The following ZBTB43 variants were observed in gnomAD, a reference collection of about 807,000 sequenced individuals.
ZBTB43 encodes zinc finger and BTB domain-containing protein 43.
Under a neutral mutation model 31.1 loss-of-function variants are expected in ZBTB43, and 6 were observed. The observed-to-expected ratio is 0.19, with a 90% CI of 0.11 to 0.38. The LOEUF is 0.38. ZBTB43 is among the 10% of genes least tolerant of loss of function. The probability of loss-of-function intolerance (pLI) is 1.00; values close to 1 mark genes in which losing one functional copy is unlikely to be tolerated. For synonymous variants in ZBTB43, 212 were observed against 221.7 expected, an observed-to-expected ratio of 0.96 and a Z score of 0.39; for missense variants, 379 against 602.1, an observed-to-expected ratio of 0.63 and a Z score of 3.88.
intron 2 of ZBTB43, among the ~76,000 whole-genome samples, chr9:126,827,751 T>TA (rs2032674595): frequency 6.6e-6 from 1 of 152,182 alleles, no homozygotes; most frequent in South Asian, 2.1e-4. Context: ...CTCACGCCTG[T>TA]AATCCCAGTA....
intron 2 of ZBTB43, among the ~76,000 whole-genome samples, chr9:126,825,269 C>G (rs1292443322): frequency 6.6e-6 from 1 of 152,036 alleles, no homozygotes; most frequent in Non-Finnish European, 1.5e-5. Context: ...TTTCTTTCTG[C>G]TACTCAACTG....
intron 2 of ZBTB43, among the ~76,000 whole-genome samples, chr9:126,829,272 C>T (rs2032716538): frequency 6.6e-6 from 1 of 152,160 alleles, no homozygotes; most frequent in Non-Finnish European, 1.5e-5. Flanking sequence ...AAATGCACAG[C>T]CCCTTAACCC....
chr9:126,831,551 A>G (rs1459899692), intron 2 of ZBTB43: 1 of 151,874 alleles, frequency 6.6e-6, no homozygotes, highest in East Asian at 1.9e-4. Context: ...TATAATCCCA[A>G]CACTTTAGGA....
chr9:126,811,887 G>A (rs948902515), intron 2 of ZBTB43, among the ~76,000 whole-genome samples: 2 of 152,212 alleles, frequency 1.3e-5, no homozygotes, highest in East Asian at 1.9e-4. Flanking sequence ...GCCTCCCGAA[G>A]TGCTGGGATT....
intron 1 of ZBTB43, among the ~76,000 whole-genome samples, chr9:126,807,611 C>CT (rs552370997): frequency 1.3e-5 from 2 of 151,500 alleles, no homozygotes; most frequent in African/African-American, 4.9e-5. Flanking sequence ...TTTTCATGAA[C>CT]TTTTTTTTTC....
In ZBTB43 at chr9:126,837,782, A is replaced by T. The variant is rs745551819; in HGVS notation, c.*3869A>T. On this transcript the variant is annotated 3_prime_UTR_variant, in exon 3 of 3. Coordinates refer to ENST00000373464, the MANE Select transcript of ZBTB43 (RefSeq NM_014007.4). ...TTAAAGGTACAAGTTTCTTATTTCA[A>T]ATCTCTACTGATAGTGCCCTATGGG... is the stretch of plus-strand genomic sequence containing the variant. 2 of 165,720 alleles carry T rather than the reference A, an allele frequency of 1.2e-5. No individual in the cohort carries two copies. The highest frequency in any genetic ancestry group is 4.9e-5 in the African/African-American group (2 of 41,066). 10.3% of individuals were successfully genotyped at this position (165,720 alleles called of 1,614,324 possible). A position where few individuals can be genotyped will look rare whatever the true frequency, so the allele number is the denominator to read the frequency against.
intron 1 of ZBTB43, among the ~76,000 whole-genome samples, chr9:126,806,177 T>C (rs900781759): frequency 6.6e-6 from 1 of 152,160 alleles, no homozygotes; most frequent in Admixed American, 6.5e-5. Context: ...GCCTGCTCTT[T>C]GAGTTACAGC....
At chr9:126,812,928 G>T (rs2032280405) in intron 2 of ZBTB43, among the ~76,000 whole-genome samples, 1 of 150,532 alleles carries the variant, frequency 6.6e-6, no homozygotes, top group Non-Finnish European at 1.5e-5. Flanking sequence ...CTGCTGACCA[G>T]TTCTGTCAGT....
intron 2 of ZBTB43, among the ~76,000 whole-genome samples, chr9:126,828,564 G>A (rs552694092): frequency 8.7e-4 from 130 of 149,214 alleles, no homozygotes; most frequent in Non-Finnish European, 1.7e-3. Context: ...AGGCCGAGGC[G>A]GGAGGATTGC....
chr9:126,837,095 C>G lies in ZBTB43; in HGVS notation c.*3182C>G, dbSNP rs1588372946. ...CTCCAGCCTGCGCGACAGATCGAGA[C>G]TCTGTCTCAAAAAAAAAAAAAAAAT... On this transcript the variant is annotated 3_prime_UTR_variant, in exon 3 of 3. Coordinates refer to ENST00000373464, the MANE Select transcript of ZBTB43 (RefSeq NM_014007.4). The G allele has an allele frequency of 6.1e-6, 1 of 163,638 alleles. No individual in the cohort carries two copies. Among genetic ancestry groups the G allele is most frequent in the South Asian group, 2.1e-4 (1 of 4,688 alleles). 10.1% of individuals were successfully genotyped at this position (163,638 alleles called of 1,614,324 possible).
chr9:126,812,683 T>A (rs565080951), intron 2 of ZBTB43, among the ~76,000 whole-genome samples: 1 of 152,388 alleles, frequency 6.6e-6, no homozygotes, highest in African/African-American at 2.4e-5. Context: ...GTGGTTTTCA[T>A]ATGCTTATAG....
At chr9:126,816,856 G>A (rs2032396569) in intron 2 of ZBTB43, among the ~76,000 whole-genome samples, 1 of 152,056 alleles carries the variant, frequency 6.6e-6, no homozygotes, top group African/African-American at 2.4e-5. Context: ...TCCTTCCTGG[G>A]GCTACGGAGT....
chr9:126,817,291 T>TTTA (rs2032408752), intron 2 of ZBTB43, among the ~76,000 whole-genome samples: 1 of 151,322 alleles, frequency 6.6e-6, no homozygotes, highest in African/African-American at 2.4e-5. Context: ...TTTGTATATT[T>TTTA]GTAGAGATGG....
At position 126,834,176 on chromosome 9, in the gene ZBTB43, T is replaced by G; in HGVS notation, c.*263T>G. 2.9e-6 allele frequency: 1 copy of G among 346,930 alleles called. No homozygotes were observed. The highest frequency in any genetic ancestry group is 4.6e-5 in the East Asian group (1 of 21,516). The allele number at this position is 346,930 out of a possible 1,614,324, so 21.5% of individuals were successfully genotyped here. A position where few individuals can be genotyped will look rare whatever the true frequency, so the allele number is the denominator to read the frequency against. On this transcript the variant is annotated 3_prime_UTR_variant, in exon 3 of 3. Coordinates refer to ENST00000373464, the MANE Select transcript of ZBTB43 (RefSeq NM_014007.4). ...TGGCAAGGGAAACCTTCTGACTGGT[T>G]GTGATCGAAACAGGTGGACAGAGAC...
chr9:126,835,231 TAAAA>T lies in ZBTB43; in HGVS notation c.*1322_*1325del, dbSNP rs1195611766. The T allele has an allele frequency of 6.0e-6, 1 of 166,674 alleles. No homozygotes were observed. Among genetic ancestry groups the T allele is most frequent in the Non-Finnish European group, 1.5e-5 (1 of 68,052 alleles). 10.3% of individuals were successfully genotyped at this position (166,674 alleles called of 1,614,324 possible). A position where few individuals can be genotyped will look rare whatever the true frequency, so the allele number is the denominator to read the frequency against. On this transcript the variant is annotated 3_prime_UTR_variant, in exon 3 of 3. Transcript: ENST00000373464. ...GCTACGCCGACCAGAAAAAAAAAAT[TAAAA>T]AAACAAACAAGAAAAGCAACTATTC...
intron 1 of ZBTB43, among the ~76,000 whole-genome samples, chr9:126,805,535 A>T (rs1186626055): frequency 2.6e-5 from 4 of 152,228 alleles, no homozygotes; most frequent in Non-Finnish European, 5.9e-5. Flanking sequence ...AGCTGGGAGA[A>T]AGACTGCGCC....
chr9:126,814,259 C>G (rs1431830618), intron 2 of ZBTB43, among the ~76,000 whole-genome samples: 3 of 152,174 alleles, frequency 2.0e-5, no homozygotes, highest in Non-Finnish European at 4.4e-5. Context: ...AATAAACTTT[C>G]ATCCTGATTT....
At chr9:126,828,989 A>G (rs1243923076) in intron 2 of ZBTB43, among the ~76,000 whole-genome samples, 2 of 152,198 alleles carry the variant, frequency 1.3e-5, no homozygotes, top group South Asian at 2.1e-4. Context: ...GCAGATCAGA[A>G]CAGGAATGAA....
In ZBTB43 at chr9:126,813,039, G is replaced by C. The variant is rs191394186; in HGVS notation, c.-24+4124G>C. Among the ~76,000 whole-genome samples, 5 of 150,456 alleles carry C rather than the reference G, an allele frequency of 3.3e-5. No homozygotes were observed. In the East Asian group the frequency reaches 9.8e-4, roughly 29 times the overall value. On this transcript the variant is annotated intron_variant, in intron 2 of 2. Coordinates refer to ENST00000373464, the MANE Select transcript of ZBTB43 (RefSeq NM_014007.4). ...CTTGTTGCCCAGGCTGGAGTGCTTT[G>C]GCATGATCTCGGCTCACTGCAACCT...
Sources: gnomAD v4.1 joint callset for allele counts (sites outside exome capture counted in the v4.1 genomes callset) on GRCh38, gnomAD v4.1.1 for gene constraint, MANE v1.5 for transcripts, NCBI Gene and HGNC (gene_info 2026-07-23, HGNC 2026-07-21) for gene names.